COP1: variants seen among roughly 807,000 people sequenced by gnomAD.
COP1 encodes the protein E3 ubiquitin-protein ligase COP1.
In COP1, 24 loss-of-function variants were observed where a neutral mutation model predicts 101.3. The ratio of observed to expected loss-of-function variants is 0.24; its 90% CI spans 0.17 to 0.33. The LOEUF (loss-of-function observed/expected upper bound fraction) is 0.33. Ranked by LOEUF, COP1 falls within the 10% of genes least tolerant of loss-of-function variation. The pLI, the probability that COP1 is intolerant of heterozygous loss-of-function variation, is 1.00. For missense variants in COP1, 663 were observed against 906.2 expected (o/e 0.73, Z 3.45); for synonymous variants, 347 against 341.9 (o/e 1.01, Z -0.17).
chr1:176,200,188 G>A lies in COP1; in HGVS notation c.407+6384C>T, dbSNP rs539132966. Among the ~76,000 whole-genome samples, 38 of 152,256 alleles carry A rather than the reference G, an allele frequency of 2.5e-4. No individual in the cohort carries two copies. In the East Asian group the frequency reaches 6.6e-3, roughly 26 times the overall value. ...TTGTTGTGAAGATTAAACAAGTAAC[G>A]TAAAACCTTTAAAATAGTGCCTGGC... is the stretch of plus-strand genomic sequence containing the variant. On this transcript the variant is annotated intron_variant, in intron 1 of 19. Coordinates refer to ENST00000367669, the MANE Select transcript of COP1 (RefSeq NM_022457.7).
intron 11 of COP1, among the ~76,000 whole-genome samples, chr1:176,058,362 G>C (rs1055839436): frequency 1.3e-5 from 2 of 152,166 alleles, no homozygotes; most frequent in African/African-American, 4.8e-5. Flanking sequence ...GAAATCGGAT[G>C]GTTGCTGTGT....
At chr1:175,967,961 A>AGGTTCAT (rs1168003362) in intron 18 of COP1, among the ~76,000 whole-genome samples, 8 of 151,860 alleles carry the variant, frequency 5.3e-5, no homozygotes, top group African/African-American at 1.9e-4. Context: ...TTCGCCTCCC[A>AGGTTCAT]GGTTCATGTG....
intron 11 of COP1, among the ~76,000 whole-genome samples, chr1:176,054,997 G>A (rs1034257487): frequency 3.9e-5 from 6 of 152,144 alleles, no homozygotes; most frequent in African/African-American, 7.2e-5. Flanking sequence ...AGTCAACTCC[G>A]AATTCTGACC....
chr1:176,049,047 C>T (rs1047328738), intron 11 of COP1, among the ~76,000 whole-genome samples: 1 of 151,510 alleles, frequency 6.6e-6, no homozygotes, highest in African/African-American at 2.4e-5. Flanking sequence ...TGGCGGGCGC[C>T]TGTAGTCCCA....
intron 11 of COP1, among the ~76,000 whole-genome samples, chr1:176,065,280 GA>G (rs1471001202): frequency 6.6e-6 from 1 of 152,058 alleles, no homozygotes; most frequent in African/African-American, 2.4e-5. Context: ...AGACAAAGGG[GA>G]AAAAAACTGA....
At chr1:176,036,513 A>C (rs1446871128) in intron 14 of COP1, among the ~76,000 whole-genome samples, 1 of 149,652 alleles carries the variant, frequency 6.7e-6, no homozygotes, top group African/African-American at 2.5e-5. Flanking sequence ...AAAACAAAAA[A>C]AAAAAAAAAA....
chr1:175,992,779 G>A lies in COP1; in HGVS notation c.1730-3300C>T, dbSNP rs551614798. ...TGGATGGAGCCCACCACAGCTCAAGGAGGCCTGCCTGCCTCTGTAGGCTCC... is the reference window on the plus strand; with the variant it reads ...TGGATGGAGCCCACCACAGCTCAAGAAGGCCTGCCTGCCTCTGTAGGCTCC... On this transcript the variant is annotated intron_variant, in intron 15 of 19. Coordinates refer to ENST00000367669, the MANE Select transcript of COP1 (RefSeq NM_022457.7). Among the ~76,000 whole-genome samples the A allele has an allele frequency of 5.7e-3, 865 of 152,338 alleles. 2 individuals are homozygous for A. The highest frequency in any genetic ancestry group is 9.4e-3 in the Non-Finnish European group (637 of 68,030).
At chr1:176,205,017 G>A (rs1360934036) in intron 1 of COP1, among the ~76,000 whole-genome samples, 1 of 152,158 alleles carries the variant, frequency 6.6e-6, no homozygotes, top group Non-Finnish European at 1.5e-5. Flanking sequence ...GTGCCTGGCC[G>A]ACAGTGAATG....
chr1:176,096,277 T>G (rs554384313), intron 9 of COP1, among the ~76,000 whole-genome samples: 30 of 152,344 alleles, frequency 2.0e-4, no homozygotes, highest in African/African-American at 7.0e-4. Flanking sequence ...TCTTTTTTTT[T>G]CAGGACAGTA....
chr1:175,970,882 A>C (rs925472855), intron 18 of COP1, among the ~76,000 whole-genome samples: 5 of 152,228 alleles, frequency 3.3e-5, no homozygotes, highest in African/African-American at 1.2e-4. Flanking sequence ...GGGTCAACTA[A>C]AGGTAACAAG....
intron 18 of COP1, among the ~76,000 whole-genome samples, chr1:175,981,987 C>A (rs1655969974): frequency 6.6e-6 from 1 of 152,028 alleles, no homozygotes; most frequent in African/African-American, 2.4e-5. Context: ...CAAATGACAT[C>A]TGTGAAGTGG....
At chr1:176,077,412 C>T (rs1037198230) in intron 11 of COP1, among the ~76,000 whole-genome samples, 16 of 152,226 alleles carry the variant, frequency 1.1e-4, no homozygotes, top group Admixed American at 2.6e-4. Flanking sequence ...ATATGATCAT[C>T]TCAACAGATG....
chr1:176,179,898 G>C (rs150705109), intron 2 of COP1, among the ~76,000 whole-genome samples: 4 of 150,464 alleles, frequency 2.7e-5, no homozygotes, highest in Non-Finnish European at 2.9e-5. Context: ...GGAAGTAACT[G>C]TCCTCACTAA....
At chr1:176,164,506 T>C (rs1475489727) in intron 3 of COP1, among the ~76,000 whole-genome samples, 1 of 152,132 alleles carries the variant, frequency 6.6e-6, no homozygotes, top group South Asian at 2.1e-4. Flanking sequence ...TGGGGTTAAG[T>C]ACGTAACCCA....
Position 176,183,282 on chromosome 1 carries a change from A to G in COP1, c.467+1351T>C, listed in dbSNP as rs141447618. ...TCATATCCAACTTCAGCATAAAATT[A>G]CGGGCCTGATTTCAATATGAATTAG... is the stretch of plus-strand genomic sequence containing the variant. On this transcript the variant is annotated intron_variant, in intron 2 of 19. Coordinates refer to ENST00000367669, the MANE Select transcript of COP1 (RefSeq NM_022457.7). 2.0e-3 allele frequency among the ~76,000 whole-genome samples: 302 copies of G among 152,354 alleles called. 1 individual carries two copies. The highest frequency in any genetic ancestry group is 3.2e-3 in the Non-Finnish European group (215 of 68,026).
intron 1 of COP1, among the ~76,000 whole-genome samples, chr1:176,203,280 T>C (rs1478161371): frequency 1.3e-5 from 2 of 151,852 alleles, no homozygotes; most frequent in Non-Finnish European, 2.9e-5. Flanking sequence ...GAGCTTGCAG[T>C]GAGCCGAGAT....
At chr1:175,996,241 T>C (rs376135908) in intron 15 of COP1, among the ~76,000 whole-genome samples, 107 of 150,162 alleles carry the variant, frequency 7.1e-4, no homozygotes, top group African/African-American at 2.4e-3. Flanking sequence ...TTTGATGGGA[T>C]ATATCTCAAA....
chr1:175,947,999 T>C (rs1039956778), intron 18 of COP1, among the ~76,000 whole-genome samples: 1 of 152,218 alleles, frequency 6.6e-6, no homozygotes, highest in Non-Finnish European at 1.5e-5. Flanking sequence ...GGATGGACAT[T>C]TGGTATTAGG....
intron 11 of COP1, among the ~76,000 whole-genome samples, chr1:176,070,041 T>C (rs1046004246): frequency 1.2e-4 from 18 of 152,184 alleles, no homozygotes; most frequent in Non-Finnish European, 4.4e-5. Context: ...CTCATCTCTG[T>C]ATAACCAGAA....
Sources: allele counts gnomAD v4.1 joint callset (sites outside exome capture counted in the v4.1 genomes callset), GRCh38; gene constraint gnomAD v4.1.1; transcripts MANE v1.5; gene names NCBI Gene and HGNC (gene_info 2026-07-23, HGNC 2026-07-21).